The following ZNF318 variants were observed in gnomAD, a reference collection of about 807,000 sequenced individuals.
ZNF318 encodes endocrine regulator.
In ZNF318, 51 loss-of-function variants were observed where a neutral mutation model predicts 124.2. The ratio of observed to expected loss-of-function variants is 0.41; its 90% CI spans 0.33 to 0.52. The LOEUF is 0.52. Ranked by LOEUF, ZNF318 falls within the 20% of genes least tolerant of loss-of-function variation. ZNF318 has a pLI of 0.23. For missense variants in ZNF318, 2,815 were observed against 2,811.2 expected (o/e 1.00, Z -0.03); for synonymous variants, 1,090 against 1,040.7 (o/e 1.05, Z -0.91).
intron 6 of ZNF318, 93 bp from the exon 7 acceptor site, chr6:43,342,972 G>A: frequency 1.1e-6 from 1 of 924,070 alleles, no homozygotes; most frequent in South Asian, 1.7e-5. Flanking sequence ...AATAGAAATA[G>A]GGCCATATGA....
chr6:43,348,203 G>T, intron 6 of ZNF318, 121 bp downstream of exon 6: 1 of 1,029,176 alleles, frequency 9.7e-7, no homozygotes, highest in Non-Finnish European at 1.4e-6. Context: ...GATCTATACT[G>T]TAAGAAAATA....
Position 43,338,091 on chromosome 6 carries a change from C to G in ZNF318, c.5907G>C (p.Trp1969Cys). Residue 1969 changes from tryptophan to cysteine, a missense_variant, in exon 10 of 10, where the codon TGG (tryptophan) becomes TGC (cysteine). Around this residue, in one of 4 missense-constraint regions of ZNF318, gnomAD observed 927 missense variants for 820.6 expected, o/e 1.13. Coordinates refer to ENST00000361428, the MANE Select transcript of ZNF318 (RefSeq NM_014345.3). Reference sequence around the variant, plus strand: ...CTGTTTTTGGTTTCTCTGGGCTCTCCCAGGTCTCTGGCCTCTTCTTGTTTT... The same window carrying G: ...CTGTTTTTGGTTTCTCTGGGCTCTCGCAGGTCTCTGGCCTCTTCTTGTTTT... ...WDENKKRPET[W>C]ESPEKPKTEA... 6.2e-7 allele frequency: 1 copy of G among 1,614,044 alleles called. No homozygotes were observed. Among genetic ancestry groups the G allele is most frequent in the Non-Finnish European group, 8.5e-7 (1 of 1,180,012 alleles).
In ZNF318 at chr6:43,369,023, G is replaced by C. The variant is rs770308405; in HGVS notation, c.343C>G (p.Arg115Gly). Residue 115 changes from arginine (R) to glycine (G), a missense_variant, in exon 1 of 10, where the codon CGC becomes GGC. Physicochemically the swap from Arg to Gly is moderately radical, Grantham distance 125. Coordinates refer to ENST00000361428, the MANE Select transcript of ZNF318 (RefSeq NM_014345.3). ...GFRGSSRGES[R>G]ADYARDGRGD... is the part of the protein sequence containing the mutation. The stretch of plus-strand genomic sequence containing the variant: ...CGGCCGTCCCGGGCATAGTCGGCGC[G>C]GGACTCCCCCCGGCTGCTGCCTCTG... The C allele has an allele frequency of 9.8e-6, 14 of 1,434,998 alleles. No individual in the cohort carries two copies. In the South Asian group the frequency reaches 1.3e-4, roughly 14 times the overall value. The allele number at this position is 1,434,998 out of a possible 1,614,324, so 88.9% of individuals were successfully genotyped here. A position where few individuals can be genotyped will look rare whatever the true frequency, so the allele number is the denominator to read the frequency against.
At chr6:43,364,786 G>T (rs1334129445) in intron 2 of ZNF318, among the ~76,000 whole-genome samples, 1 of 152,182 alleles carries the variant, frequency 6.6e-6, no homozygotes, top group African/African-American at 2.4e-5. Context: ...AAACATTTTT[G>T]AAGGTCTCTA....
intron 7 of ZNF318, 125 bp from the exon 8 acceptor site, chr6:43,342,336 CT>C: frequency 1.5e-6 from 1 of 675,814 alleles, no homozygotes; most frequent in Non-Finnish European, 2.4e-6. Context: ...CCCCCACCCC[CT>C]CTGCCAACTG....
chr6:43,368,836 TC>T, intron 1 of ZNF318, 130 bp downstream of exon 1: 1 of 1,233,766 alleles, frequency 8.1e-7, no homozygotes, highest in East Asian at 3.2e-5. Flanking sequence ...AGGCTCGGCA[TC>T]CCCGAGGGAG....
At chr6:43,348,827 G>A (rs1208546379) in intron 5 of ZNF318, among the ~76,000 whole-genome samples, 4 of 152,156 alleles carry the variant, frequency 2.6e-5, no homozygotes, top group Non-Finnish European at 1.5e-5. Context: ...GAGTTCAGGT[G>A]CTCGAGACCA....
At chr6:43,365,463 G>C in intron 1 of ZNF318, 23 bp from the exon 2 acceptor site, 8 of 1,606,552 alleles carry the variant, frequency 5.0e-6, no homozygotes, top group Non-Finnish European at 5.9e-6. Context: ...AGGATAATAT[G>C]GTTAGTCAAT....
In ZNF318 at chr6:43,337,924, C is replaced by T; in HGVS notation, c.6074G>A (p.Cys2025Tyr). ...GNLGDMPVDF[C>Y]TTRVSPAHRS... ...ATGTGCTGGGCTTACCCGAGTAGTG[C>T]AGAAATCAACAGGCATATCCCCCAG... The change falls in exon 10 of 10, where the codon TGC becomes TAC. Residue 2025 changes from cysteine (C) to tyrosine (Y), a missense_variant. Transcript: ENST00000361428. 1 of 1,614,174 alleles carries T rather than the reference C, an allele frequency of 6.2e-7. No homozygotes were observed. Among genetic ancestry groups the T allele is most frequent in the Non-Finnish European group, 8.5e-7 (1 of 1,180,020 alleles).
intron 9 of ZNF318, 113 bp from the exon 10 acceptor site, chr6:43,340,615 C>G: frequency 6.7e-7 from 1 of 1,500,724 alleles, no homozygotes; most frequent in Non-Finnish European, 8.8e-7. Flanking sequence ...TTATCTTCCT[C>G]AAGGACATAC....
chr6:43,363,897 C>T, intron 2 of ZNF318: 1 of 692,722 alleles, frequency 1.4e-6, no homozygotes, highest in Non-Finnish European at 2.6e-6. Context: ...CCAAGCTCTC[C>T]ATTCTCCCTG....
At position 43,355,259 on chromosome 6, in the gene ZNF318, G is replaced by T. The variant is rs1322021130; in HGVS notation, c.2075C>A (p.Ser692Tyr). The change falls in exon 4 of 10, where the codon TCC (serine) becomes TAC (tyrosine). Residue 692 changes from serine (S) to tyrosine (Y), a missense_variant. By Grantham distance (144) the Ser-to-Tyr change is moderately radical. Transcript: ENST00000361428. ...HHSNTHSPEVSHPHPPSPVDP... is the reference protein window; with the variant it reads ...HHSNTHSPEVYHPHPPSPVDP... ...CACAGGAGAAGGTGGGTGTGGATGGGACACCTCTGGAGAGTGGGTATTGCT... is the reference window on the plus strand; with the variant it reads ...CACAGGAGAAGGTGGGTGTGGATGGTACACCTCTGGAGAGTGGGTATTGCT... 6.2e-7 allele frequency: 1 copy of T among 1,614,078 alleles called. No individual in the cohort carries two copies. The highest frequency in any genetic ancestry group is 1.3e-5 in the African/African-American group (1 of 74,926).
chr6:43,363,539 G>T, intron 2 of ZNF318: 1 of 241,414 alleles, frequency 4.1e-6, no homozygotes, highest in Non-Finnish European at 7.9e-6. Flanking sequence ...TGGGGTTGCA[G>T]CTGTGGACAG....
At chr6:43,352,965 TAA>T (rs1428598698) in intron 4 of ZNF318, among the ~76,000 whole-genome samples, 1 of 152,166 alleles carries the variant, frequency 6.6e-6, no homozygotes. Context: ...AGTCACACAT[TAA>T]GAGTAGATTT....
In ZNF318 at chr6:43,338,159, C is replaced by T; in HGVS notation, c.5839G>A (p.Asp1947Asn). 6.2e-7 allele frequency: 1 copy of T among 1,613,940 alleles called. No homozygotes were observed. The highest frequency in any genetic ancestry group is 2.2e-5 in the East Asian group (1 of 44,868). The change falls in exon 10 of 10, where the codon GAC (aspartate) becomes AAC (asparagine). Residue 1947 changes from aspartate to asparagine, a missense_variant. Transcript: ENST00000361428. ...SLKLKRERSK[D>N]FQVKKIYELA... ...TCATAGATCTTTTTAACTTGAAAGT[C>T]TTTTGATCTTTCTCTCTTGAGTTTG...
intron 2 of ZNF318, among the ~76,000 whole-genome samples, chr6:43,360,609 G>C (rs1779667874): frequency 6.6e-6 from 1 of 152,164 alleles, no homozygotes; most frequent in Admixed American, 6.5e-5. Flanking sequence ...AAAAATGTAT[G>C]TATGTCCATA....
At position 43,337,403 on chromosome 6, in the gene ZNF318, T is replaced by C. The variant is rs201267520; in HGVS notation, c.6595A>G (p.Lys2199Glu). The change falls in exon 10 of 10, where the codon AAA becomes GAA. Residue 2199 changes from lysine to glutamate, a missense_variant. Physicochemically the swap from Lys to Glu is moderately conservative, Grantham distance 56 (BLOSUM62 1). This residue lies in a region of ZNF318 where 927 missense variants were observed against 820.6 expected (regional missense o/e 1.13). Transcript: ENST00000361428. ...GGCCCCAACTCCAGGGAACTACATT[T>C]AGAAGGGTCACCTGGCTCAGAGAGT... is the stretch of plus-strand genomic sequence containing the variant. ...SPLSEPGDPSKCSSLELGPLQ... is the reference protein window; with the variant it reads ...SPLSEPGDPSECSSLELGPLQ... The C allele has an allele frequency of 6.2e-7, 1 of 1,614,158 alleles. No homozygotes were observed. Among genetic ancestry groups the C allele is most frequent in the Non-Finnish European group, 8.5e-7 (1 of 1,180,018 alleles).
intron 2 of ZNF318, among the ~76,000 whole-genome samples, chr6:43,359,730 A>G (rs1019300872): frequency 1.3e-5 from 2 of 152,156 alleles, no homozygotes; most frequent in African/African-American, 4.8e-5. Flanking sequence ...AAAGTTGTAG[A>G]CCTAGGAATA....
intron 2 of ZNF318, among the ~76,000 whole-genome samples, chr6:43,360,177 G>C (rs1008686377): frequency 3.3e-5 from 5 of 152,144 alleles, no homozygotes; most frequent in African/African-American, 1.2e-4. Context: ...GTCTAAACCA[G>C]TACTAACTAT....
Sources: gnomAD v4.1 joint callset for allele counts (sites outside exome capture counted in the v4.1 genomes callset) on GRCh38, gnomAD v4.1.1 for gene constraint, gnomAD v4.1.1 regional missense constraint, MANE v1.5 for transcripts, NCBI Gene and HGNC (gene_info 2026-07-23, HGNC 2026-07-21) for gene names.